SIRPB1: variants seen among roughly 807,000 people sequenced by gnomAD.
SIRPB1 encodes signal-regulatory protein beta-1.
SIRPB1 carries 28 observed loss-of-function variants against 34.1 expected under a neutral mutation model. That is an observed-to-expected ratio of 0.82 (90% CI 0.61 to 1.12). The LOEUF (loss-of-function observed/expected upper bound fraction) is 1.12. Among genes scored for constraint, SIRPB1 ranks in the 50% most tolerant of loss-of-function variants. The pLI is 0.00. For missense variants in SIRPB1, 499 were observed against 507.0 expected (o/e 0.98, Z 0.15); for synonymous variants, 211 against 203.8 (o/e 1.04, Z -0.30).
Position 1,568,293 on chromosome 20 carries a change from C to A in SIRPB1, c.1085-2026G>T, listed in dbSNP as rs114682840. ...CACTCACCTAACCCTAGGGCACAGT[C>A]TCTCACTAGGCTCCCATGCCACTGA... On this transcript the variant is annotated intron_variant, in intron 4 of 5. Transcript: ENST00000381605. Among the ~76,000 whole-genome samples the A allele has an allele frequency of 1.3e-3, 200 of 152,318 alleles. 1 individual carries two copies. Among genetic ancestry groups the A allele is most frequent in the African/African-American group, 4.6e-3 (190 of 41,562 alleles).
At chr20:1,609,998 A>C (rs1222157433) in intron 1 of SIRPB1, among the ~76,000 whole-genome samples, 1 of 72,884 alleles carries the variant, frequency 1.4e-5, no homozygotes, top group Non-Finnish European at 2.6e-5. Flanking sequence ...TTACATATCC[A>C]TCAACAGAAG....
Position 1,565,285 on chromosome 20 carries a change from CCA to C in SIRPB1, c.*213_*214del, listed in dbSNP as rs1398595872. The C allele has an allele frequency of 5.5e-6, 2 of 363,032 alleles. No individual in the cohort carries two copies. Among genetic ancestry groups the C allele is most frequent in the Non-Finnish European group, 9.8e-6 (2 of 203,822 alleles). The allele number at this position is 363,032 out of a possible 1,614,324, so 22.5% of individuals were successfully genotyped here. On this transcript the variant is annotated 3_prime_UTR_variant, in exon 6 of 6. Transcript: ENST00000381605. Reference sequence around the variant, plus strand: ...CTAGGGAGGTGCCATGAGTCAGTGCCCAGAGCCCAATCCCATGGCCCCTGCTC... The same window carrying C: ...CTAGGGAGGTGCCATGAGTCAGTGCCGAGCCCAATCCCATGGCCCCTGCTC...
At position 1,601,676 on chromosome 20, in the gene SIRPB1, A is replaced by C. The variant is rs1387369474; in HGVS notation, c.76+18193T>G. Among the ~76,000 whole-genome samples, 16 of 49,400 alleles carry C rather than the reference A, an allele frequency of 3.2e-4. 8 individuals carry two copies. The highest frequency in any genetic ancestry group is 5.5e-4 in the Non-Finnish European group (14 of 25,622). The allele number at this position is 49,400 out of a possible 152,430, so 32.4% of individuals were successfully genotyped here. On this transcript the variant is annotated intron_variant, in intron 1 of 5. Transcript: ENST00000381605. ...TACATCCAGCACACTGAAAGCACCC[A>C]AAAATGGCAGCCCTGGTCGGAGCTC... is the stretch of plus-strand genomic sequence containing the variant.
At chr20:1,566,729 G>A (rs1349276595) in intron 4 of SIRPB1, among the ~76,000 whole-genome samples, 3 of 152,198 alleles carry the variant, frequency 2.0e-5, no homozygotes, top group Non-Finnish European at 4.4e-5. Context: ...CCAGGATCAT[G>A]AGAATGATTA....
At chr20:1,578,861 G>A (rs951014615) in intron 1 of SIRPB1, among the ~76,000 whole-genome samples, 167 bp from the exon 2 acceptor site, 12 of 148,288 alleles carry the variant, frequency 8.1e-5, no homozygotes, top group African/African-American at 2.9e-4. Flanking sequence ...GGCCTGTGAC[G>A]TAAGACTGTA....
chr20:1,619,335 A>G (rs970943215), intron 1 of SIRPB1, among the ~76,000 whole-genome samples: 1 of 152,182 alleles, frequency 6.6e-6, no homozygotes, highest in Non-Finnish European at 1.5e-5. Context: ...GAATCAGGTC[A>G]CAGGGGAGGG....
rs756012992 is a variant in SIRPB1, at chr20:1,570,980, C to G, written c.909G>C (p.Glu303Asp). The change falls in exon 4 of 6, where the codon GAG (glutamate) becomes GAC (aspartate). Residue 303 changes from glutamate (E) to aspartate (D), a missense_variant. Transcript: ENST00000381605. The stretch of plus-strand genomic sequence containing the variant: ...TCCAGTTGTAGGTGCCATCCTTGTT[C>G]TCTATGAGGGTCGAAGCTGTTTCTG... ...SRTETASTLI[E>D]NKDGTYNWMS... 3.7e-6 allele frequency: 6 copies of G among 1,614,174 alleles called. No homozygotes were observed. The highest frequency in any genetic ancestry group is 5.1e-6 in the Non-Finnish European group (6 of 1,180,022).
At chr20:1,577,616 T>C (rs1038101953) in intron 2 of SIRPB1, among the ~76,000 whole-genome samples, 4 of 147,210 alleles carry the variant, frequency 2.7e-5, no homozygotes, top group African/African-American at 9.9e-5. Context: ...CCATGGTAAC[T>C]CTGTGACTCA....
chr20:1,616,481 G>A (rs2091631494), intron 1 of SIRPB1, among the ~76,000 whole-genome samples: 1 of 152,170 alleles, frequency 6.6e-6, no homozygotes, highest in Non-Finnish European at 1.5e-5. Flanking sequence ...TCTTCAAAAA[G>A]TGGCATTGGG....
Position 1,562,460 on chromosome 20 carries a change from T to C in SIRPB1, c.*3040A>G, listed in dbSNP as rs1253547794. Among the ~76,000 whole-genome samples the C allele has an allele frequency of 6.7e-6, 1 of 148,618 alleles. No individual in the cohort carries two copies. The highest frequency in any genetic ancestry group is 2.1e-4 in the South Asian group (1 of 4,700). ...CCCCCACCCCCAACCCCCCACGATA[T>C]AACTGACATTCCATTTGCGTAACAT... is the stretch of plus-strand genomic sequence containing the variant. On this transcript the variant is annotated 3_prime_UTR_variant, in exon 6 of 6. Coordinates refer to ENST00000381605, the MANE Select transcript of SIRPB1 (RefSeq NM_006065.5).
intron 4 of SIRPB1, 82 bp from the exon 5 acceptor site, chr20:1,566,349 G>T: frequency 1.3e-6 from 1 of 753,872 alleles, no homozygotes. Flanking sequence ...CCCATCTGAG[G>T]CTACCTGGGC....
rs145106459 is a variant in SIRPB1, at chr20:1,618,575, G to C, written c.76+1294C>G. ...GTTAAACTCTTACTGCTGTCATTTG[G>C]GTACAGTGTATGTGTGAGAAAAATA... On this transcript the variant is annotated intron_variant, in intron 1 of 5. Coordinates refer to ENST00000381605, the MANE Select transcript of SIRPB1 (RefSeq NM_006065.5). Among the ~76,000 whole-genome samples, 1,022 of 152,300 alleles carry C rather than the reference G, an allele frequency of 6.7e-3. 10 individuals carry two copies. Among genetic ancestry groups the C allele is most frequent in the African/African-American group, 0.023 (969 of 41,572 alleles).
rs1314955618 is a variant in SIRPB1, at chr20:1,613,576, A to G, written c.76+6293T>C. ...AAATCAAACAGAAACTTAGGAATTG[A>G]AAGTACAATAACTAAAAGTTCACTA... On this transcript the variant is annotated intron_variant, in intron 1 of 5. Transcript: ENST00000381605. Among the ~76,000 whole-genome samples, 13 of 152,252 alleles carry G rather than the reference A, an allele frequency of 8.5e-5. No individual in the cohort carries two copies. The East Asian group carries it at 2.5e-3, about 29-fold the overall frequency.
At chr20:1,619,759 C>A (rs117803469) in intron 1 of SIRPB1, 110 bp downstream of exon 1, 17,693 of 776,660 alleles carry the variant, frequency 0.023, 271 homozygotes, top group Middle Eastern at 0.028. Flanking sequence ...AAAGCCTAAT[C>A]CTTGGCCTTT....
intron 1 of SIRPB1, among the ~76,000 whole-genome samples, chr20:1,614,758 G>A (rs1030208752): frequency 2.6e-5 from 4 of 152,044 alleles, no homozygotes; most frequent in African/African-American, 9.7e-5. Context: ...ATGGCAATGA[G>A]GATGGGATCA....
intron 2 of SIRPB1, among the ~76,000 whole-genome samples, chr20:1,573,276 G>T (rs1477717827): frequency 1.2e-5 from 1 of 86,054 alleles, no homozygotes. Context: ...AGCCAAAGGT[G>T]GTTAGCTTTT....
intron 1 of SIRPB1, among the ~76,000 whole-genome samples, chr20:1,613,590 A>G (rs147487948): frequency 6.6e-6 from 1 of 152,192 alleles, no homozygotes; most frequent in African/African-American, 2.4e-5. Flanking sequence ...TACAATAACT[A>G]AAAGTTCACT....
rs945870421 is a variant in SIRPB1 at position 1,564,473 on chromosome 20, G to A, written c.*1027C>T. 8 of 154,468 alleles carry A rather than the reference G, an allele frequency of 5.2e-5. No individual in the cohort carries two copies. Among genetic ancestry groups the A allele is most frequent in the African/African-American group, 1.9e-4 (8 of 41,534 alleles). The allele number at this position is 154,468 out of a possible 1,614,324, so 9.6% of individuals were successfully genotyped here. ...GCCATGCAGCTGTGTTGGGGAAGAA[G>A]CAGAGAAGTGATATGATTTGACTTT... On this transcript the variant is annotated 3_prime_UTR_variant, in exon 6 of 6. Coordinates refer to ENST00000381605, the MANE Select transcript of SIRPB1 (RefSeq NM_006065.5).
chr20:1,569,201 T>G (rs1271380514), intron 4 of SIRPB1, among the ~76,000 whole-genome samples: 4 of 152,234 alleles, frequency 2.6e-5, no homozygotes, highest in African/African-American at 2.4e-5. Flanking sequence ...TTATAAAATA[T>G]CCAAAAATAT....
Sources: gnomAD v4.1 joint callset for allele counts (sites outside exome capture counted in the v4.1 genomes callset) on GRCh38, gnomAD v4.1.1 for gene constraint, MANE v1.5 for transcripts, NCBI Gene and HGNC (gene_info 2026-07-23, HGNC 2026-07-21) for gene names.